SCAPER: variants seen among roughly 807,000 people sequenced by gnomAD.
SCAPER encodes the protein S phase cyclin A-associated protein in the endoplasmic reticulum.
SCAPER carries 98 observed loss-of-function variants against 182.2 expected under a neutral mutation model. The ratio of observed to expected loss-of-function variants is 0.54; its 90% CI spans 0.46 to 0.64. The LOEUF (loss-of-function observed/expected upper bound fraction) is 0.64, where lower values mean the gene tolerates loss of function less well. Ranked by LOEUF, SCAPER falls within the 30% of genes least tolerant of loss-of-function variation. The pLI is 0.00. For missense variants in SCAPER, 1,432 were observed against 1,690.0 expected (o/e 0.85, Z 2.68); for synonymous variants, 605 against 564.6 (o/e 1.07, Z -1.01).
chr15:76,810,258 T>C (rs772952885), intron 5 of SCAPER, among the ~76,000 whole-genome samples: 3 of 151,882 alleles, frequency 2.0e-5, no homozygotes, highest in Non-Finnish European at 4.4e-5. Flanking sequence ...TTATAAAAGA[T>C]AAGAGATAAA....
intron 2 of SCAPER, among the ~76,000 whole-genome samples, chr15:76,880,067 G>T (rs953719159): frequency 6.6e-6 from 1 of 152,176 alleles, no homozygotes; most frequent in Admixed American, 6.5e-5. Context: ...TACATAAATT[G>T]ATAACTTAGG....
intron 23 of SCAPER, among the ~76,000 whole-genome samples, chr15:76,561,329 CATG>C (rs1387257101): frequency 6.6e-6 from 1 of 152,178 alleles, no homozygotes; most frequent in South Asian, 2.1e-4. Flanking sequence ...ATATCATTTT[CATG>C]ATATTTCTTA....
intron 18 of SCAPER, among the ~76,000 whole-genome samples, chr15:76,704,486 C>A (rs950410311): frequency 3.3e-5 from 5 of 152,090 alleles, no homozygotes; most frequent in African/African-American, 7.2e-5. Flanking sequence ...ATCCATCTTG[C>A]ATTAATTTTT....
chr15:76,651,307 T>C (rs912045333), intron 21 of SCAPER, among the ~76,000 whole-genome samples: 2 of 152,112 alleles, frequency 1.3e-5, no homozygotes, highest in African/African-American at 4.8e-5. Context: ...AAAGAGAGGA[T>C]GTCACTAAAA....
intron 2 of SCAPER, among the ~76,000 whole-genome samples, chr15:76,877,975 T>C (rs1448371734): frequency 6.6e-6 from 1 of 152,196 alleles, no homozygotes; most frequent in Non-Finnish European, 1.5e-5. Flanking sequence ...TATTGAAGTA[T>C]TTAAGGATGA....
intron 23 of SCAPER, among the ~76,000 whole-genome samples, chr15:76,554,622 T>G (rs990994292): frequency 1.3e-5 from 2 of 151,926 alleles, no homozygotes; most frequent in African/African-American, 2.4e-5. Flanking sequence ...TTTGGCTATT[T>G]TTCATGTCTC....
At chr15:76,897,685 T>G (rs1016303051) in intron 1 of SCAPER, among the ~76,000 whole-genome samples, 3 of 152,116 alleles carry the variant, frequency 2.0e-5, no homozygotes, top group African/African-American at 7.2e-5. Flanking sequence ...CCAGCCTGGG[T>G]GACAGAGACT....
intron 21 of SCAPER, among the ~76,000 whole-genome samples, chr15:76,657,588 C>CAAAAAAAAAAAAAAA (rs35243291): frequency 1.5e-5 from 2 of 129,850 alleles, no homozygotes; most frequent in Admixed American, 7.7e-5. Flanking sequence ...GACACAACAA[C>CAAAAAAAAAAAAAAA]AAAAAAAAAA....
At chr15:76,774,263 T>C (rs1007084648) in intron 9 of SCAPER, 13 of 250,876 alleles carry the variant, frequency 5.2e-5, no homozygotes, top group Non-Finnish European at 8.5e-5. Context: ...AAGGACAATG[T>C]ACAAAAAAAA....
In SCAPER at chr15:76,728,577, A is replaced by C. The variant is rs772068810; in HGVS notation, c.2165+18T>G. 1.9e-6 allele frequency: 3 copies of C among 1,612,954 alleles called. No homozygotes were observed. Among genetic ancestry groups the C allele is most frequent in the Non-Finnish European group, 2.5e-6 (3 of 1,179,340 alleles). ...TTCACTCAGTGCAAAATGTTCATCA[A>C]GATAGCAAATGAGATACCTAGCTCT... is the stretch of plus-strand genomic sequence containing the variant. On this transcript the variant is annotated intron_variant, in intron 17 of 31. Transcript: ENST00000563290.
At chr15:76,793,386 T>C in intron 8 of SCAPER, 1 of 639,762 alleles carries the variant, frequency 1.6e-6, no homozygotes, top group Non-Finnish European at 2.8e-6. Flanking sequence ...GGATGGAAGC[T>C]GGTCACTGGA....
At chr15:76,751,214 T>C (rs1008940009) in intron 15 of SCAPER, among the ~76,000 whole-genome samples, 4 of 151,608 alleles carry the variant, frequency 2.6e-5, no homozygotes, top group South Asian at 2.1e-4. Flanking sequence ...TAAAACATTA[T>C]TGAAAAATTA....
At chr15:76,541,425 C>G (rs959654296) in intron 23 of SCAPER, among the ~76,000 whole-genome samples, 2 of 152,056 alleles carry the variant, frequency 1.3e-5, no homozygotes, top group Non-Finnish European at 2.9e-5. Flanking sequence ...CTTCTTCTAC[C>G]CTTCCCCCCA....
intron 20 of SCAPER, among the ~76,000 whole-genome samples, chr15:76,684,884 G>GA (rs1057018679): frequency 5.3e-5 from 8 of 150,700 alleles, no homozygotes; most frequent in East Asian, 1.9e-4. Context: ...CCAGAAAATA[G>GA]AAAAAAAAGA....
intron 20 of SCAPER, among the ~76,000 whole-genome samples, chr15:76,695,643 T>A (rs961495743): frequency 6.6e-6 from 1 of 152,006 alleles, no homozygotes; most frequent in Non-Finnish European, 1.5e-5. Context: ...TTAAATATTT[T>A]TCCTTGACCT....
In SCAPER at chr15:76,665,617, A is replaced by G. The variant is rs280021; in HGVS notation, c.2645+36T>C. 1,540,588 of 1,549,310 alleles carry G rather than the reference A, an allele frequency of 0.99. 766,346 individuals are homozygous for G. The highest frequency in any genetic ancestry group is 1 in the East Asian group (44,286 of 44,288). On this transcript the variant is annotated intron_variant, in intron 21 of 31. Coordinates refer to ENST00000563290, the MANE Select transcript of SCAPER (RefSeq NM_020843.4). ...TTTACATTAAAAGATACATCACTAA[A>G]AGTTTTTCTTTTGCTTTTAAGGGTA...
At chr15:76,635,479 G>A (rs540716810) in intron 21 of SCAPER, among the ~76,000 whole-genome samples, 53 of 152,290 alleles carry the variant, frequency 3.5e-4, no homozygotes, top group African/African-American at 1.2e-3. Context: ...ATTATTTGAG[G>A]ACGTGCTGTT....
chr15:76,458,383 T>C (rs2048904192), intron 25 of SCAPER, among the ~76,000 whole-genome samples: 1 of 151,918 alleles, frequency 6.6e-6, no homozygotes, highest in Non-Finnish European at 1.5e-5. Flanking sequence ...CACACACATA[T>C]ATATATATCC....
In SCAPER at chr15:76,618,260, A is replaced by AAAAAAC. The variant is rs2051682153; in HGVS notation, c.2711+3498_2711+3503dup. On this transcript the variant is annotated intron_variant, in intron 22 of 31. Coordinates refer to ENST00000563290, the MANE Select transcript of SCAPER (RefSeq NM_020843.4). ...GGGTGATAGAGTGAGACTCTGTCTC[A>AAAAAAC]AAAAACAAAAACAAAAACAAAAGAA... Among the ~76,000 whole-genome samples, 7 of 152,228 alleles carry AAAAAAC rather than the reference A, an allele frequency of 4.6e-5. No homozygotes were observed. In the South Asian group the frequency reaches 1.5e-3, roughly 32 times the overall value.
Sources: gnomAD v4.1 joint callset for allele counts (sites outside exome capture counted in the v4.1 genomes callset) on GRCh38, gnomAD v4.1.1 for gene constraint, MANE v1.5 for transcripts, NCBI Gene and HGNC (gene_info 2026-07-23, HGNC 2026-07-21) for gene names.